CDH12: variants seen among roughly 807,000 people sequenced by gnomAD.
The protein encoded by CDH12 is cadherin 12, also known as cadherin-12.
A neutral mutation model predicts 74.1 loss-of-function variants in CDH12; 41 were observed. That is an observed-to-expected ratio of 0.55 (90% CI 0.43 to 0.72). The LOEUF (loss-of-function observed/expected upper bound fraction) is 0.72. Among genes scored for constraint, CDH12 ranks in the 30% least tolerant of loss-of-function variants. The pLI is 0.00. For missense variants in CDH12, 945 were observed against 977.2 expected (o/e 0.97, Z 0.44); for synonymous variants, 399 against 355.0 (o/e 1.12, Z -1.39).
In CDH12 at chr5:22,003,691, T is replaced by C. The variant is rs1334181007; in HGVS notation, c.232-28306A>G. Reference sequence around the variant, plus strand: ...AAATACTTCACTACCACACAGAAAGTGGAGAAAAAGCACACTGGACTGTGA... The same window carrying C: ...AAATACTTCACTACCACACAGAAAGCGGAGAAAAAGCACACTGGACTGTGA... On this transcript the variant is annotated intron_variant, in intron 5 of 14. Transcript: ENST00000382254. 4.0e-5 allele frequency among the ~76,000 whole-genome samples: 6 copies of C among 151,792 alleles called. No homozygotes were observed. In the East Asian group the frequency reaches 9.7e-4, roughly 24 times the overall value.
chr5:22,277,713 A>C (rs1736697501), intron 3 of CDH12, among the ~76,000 whole-genome samples: 1 of 152,138 alleles, frequency 6.6e-6, no homozygotes, highest in African/African-American at 2.4e-5. Context: ...GGGTGCCTGT[A>C]ATCCCAGCTA....
intron 3 of CDH12, among the ~76,000 whole-genome samples, chr5:22,346,123 A>G (rs1035466451): frequency 1.3e-4 from 20 of 149,882 alleles, no homozygotes; most frequent in African/African-American, 3.0e-4. Context: ...AAAAAAAAAA[A>G]GGAGAATATG....
At chr5:22,425,858 G>T (rs1269505561) in intron 2 of CDH12, among the ~76,000 whole-genome samples, 1 of 152,072 alleles carries the variant, frequency 6.6e-6, no homozygotes, top group Non-Finnish European at 1.5e-5. Context: ...TCAGACACAG[G>T]TTCACATGTT....
intron 4 of CDH12, among the ~76,000 whole-genome samples, chr5:22,158,882 C>A (rs954919078): frequency 6.6e-6 from 1 of 151,980 alleles, no homozygotes; most frequent in African/African-American, 2.4e-5. Context: ...ATAATAAAAA[C>A]AAGAATTATA....
intron 10 of CDH12, among the ~76,000 whole-genome samples, chr5:21,792,873 G>C (rs148693673): frequency 8.2e-4 from 124 of 151,800 alleles, no homozygotes; most frequent in African/African-American, 2.7e-3. Flanking sequence ...ATTAAGTCCA[G>C]GCTCTGTACT....
intron 2 of CDH12, among the ~76,000 whole-genome samples, chr5:22,502,531 A>G (rs1373216148): frequency 1.3e-5 from 2 of 152,178 alleles, no homozygotes; most frequent in South Asian, 4.1e-4. Context: ...ATAATTATTT[A>G]ATTTCCTAAG....
At chr5:21,985,333 G>T (rs1757469178) in intron 5 of CDH12, among the ~76,000 whole-genome samples, 1 of 151,990 alleles carries the variant, frequency 6.6e-6, no homozygotes. Context: ...TCACATAAAG[G>T]TCTGTCCTAC....
At chr5:22,793,510 T>C (rs1477779066) in intron 1 of CDH12, among the ~76,000 whole-genome samples, 1 of 152,220 alleles carries the variant, frequency 6.6e-6, no homozygotes, top group East Asian at 1.9e-4. Flanking sequence ...TTGTATACTG[T>C]CTCTTACGTG....
chr5:21,807,954 G>A (rs1223467333), intron 9 of CDH12, among the ~76,000 whole-genome samples: 3 of 152,104 alleles, frequency 2.0e-5, no homozygotes, highest in Admixed American at 6.6e-5. Context: ...AAAGAAAGGA[G>A]TGATGCAGAT....
At chr5:21,853,330 C>T (rs532242467) in intron 7 of CDH12, among the ~76,000 whole-genome samples, 9 of 151,572 alleles carry the variant, frequency 5.9e-5, no homozygotes, top group Non-Finnish European at 8.9e-5. Flanking sequence ...TTGTCCTAAG[C>T]CATTCTGGAT....
At chr5:22,249,833 AT>A (rs1226523957) in intron 3 of CDH12, among the ~76,000 whole-genome samples, 4 of 151,026 alleles carry the variant, frequency 2.6e-5, no homozygotes, top group Admixed American at 6.7e-5. Context: ...TGTATTGCAT[AT>A]TTTAATTGCA....
chr5:22,106,494 A>C (rs1220695663), intron 4 of CDH12, among the ~76,000 whole-genome samples: 2 of 152,210 alleles, frequency 1.3e-5, no homozygotes, highest in Non-Finnish European at 2.9e-5. Context: ...TAATATAACA[A>C]GGGAAAATAT....
At chr5:22,379,647 T>C (rs557259975) in intron 3 of CDH12, among the ~76,000 whole-genome samples, 14 of 152,318 alleles carry the variant, frequency 9.2e-5, no homozygotes, top group Admixed American at 3.3e-4. Flanking sequence ...TAACAATGAA[T>C]TAGGGATAAT....
intron 6 of CDH12, among the ~76,000 whole-genome samples, chr5:21,963,962 T>A (rs189670302): frequency 0.021 from 3,212 of 152,176 alleles, 45 homozygotes; most frequent in Middle Eastern, 0.044. Flanking sequence ...CTTAAAACAA[T>A]ATGTATTCTT....
intron 1 of CDH12, among the ~76,000 whole-genome samples, chr5:22,698,893 A>G (rs993743876): frequency 6.6e-6 from 1 of 151,282 alleles, no homozygotes; most frequent in Non-Finnish European, 1.5e-5. Flanking sequence ...TCCGTATACA[A>G]TTAGGTGTAG....
intron 4 of CDH12, among the ~76,000 whole-genome samples, chr5:22,189,258 A>C (rs1051266985): frequency 6.6e-6 from 1 of 152,210 alleles, no homozygotes; most frequent in Non-Finnish European, 1.5e-5. Context: ...TCACAAGTTG[A>C]TGTACTTAAA....
At chr5:21,944,788 C>T (rs1222974742) in intron 6 of CDH12, among the ~76,000 whole-genome samples, 1 of 151,974 alleles carries the variant, frequency 6.6e-6, no homozygotes, top group Non-Finnish European at 1.5e-5. Context: ...TTGGAGGAAA[C>T]AAAGATATGT....
chr5:22,370,221 C>A (rs1318686773), intron 3 of CDH12, among the ~76,000 whole-genome samples: 1 of 152,080 alleles, frequency 6.6e-6, no homozygotes, highest in Non-Finnish European at 1.5e-5. Context: ...ATCATATTTC[C>A]TTTTTTGCAT....
At chr5:22,383,084 G>A (rs750270415) in intron 3 of CDH12, among the ~76,000 whole-genome samples, 9 of 122,188 alleles carry the variant, frequency 7.4e-5, no homozygotes, top group Non-Finnish European at 1.8e-4. Context: ...CACCCTCCTC[G>A]GCCTCGCAAA....
Sources: allele counts gnomAD v4.1 joint callset (sites outside exome capture counted in the v4.1 genomes callset), GRCh38; gene constraint gnomAD v4.1.1; transcripts MANE v1.5; gene names NCBI Gene and HGNC (gene_info 2026-07-23, HGNC 2026-07-21).